The following TARDBP variants were observed in gnomAD, a reference collection of about 807,000 sequenced individuals.
TARDBP encodes the protein TAR DNA binding protein.
Under a neutral mutation model 38.3 loss-of-function variants are expected in TARDBP, and 4 were observed. The ratio of observed to expected loss-of-function variants is 0.10; its 90% CI spans 0.05 to 0.24. The LOEUF is 0.24. Among genes scored for constraint, TARDBP ranks in the 10% least tolerant of loss-of-function variants. The pLI, the probability that TARDBP is intolerant of heterozygous loss-of-function variation, is 1.00. For missense variants in TARDBP, 202 were observed against 521.9 expected, an observed-to-expected ratio of 0.39 and a Z score of 5.97; for synonymous variants, 184 against 183.8, an observed-to-expected ratio of 1.00 and a Z score of -0.01.
At chr1:11,021,308 T>A (rs1341941784) in intron 5 of TARDBP, among the ~76,000 whole-genome samples, 1 of 152,038 alleles carries the variant, frequency 6.6e-6, no homozygotes, top group African/African-American at 2.4e-5. Flanking sequence ...CTGGCTGATT[T>A]TTTTGTGCTT....
chr1:11,022,475 C>G lies in TARDBP; in HGVS notation c.1066C>G (p.Gln356Glu). ...AGGCCCATCGGGTAATAACCAAAACCAAGGCAACATGCAGAGGGAGCCAAA... is the reference window on the plus strand; with the variant it reads ...AGGCCCATCGGGTAATAACCAAAACGAAGGCAACATGCAGAGGGAGCCAAA... ...QSGPSGNNQNQGNMQREPNQA... is the reference protein window; with the variant it reads ...QSGPSGNNQNEGNMQREPNQA... The change falls in exon 6 of 6, where the codon CAA becomes GAA. Residue 356 changes from glutamine to glutamate, a missense_variant. Transcript: ENST00000240185. The surrounding 1 kb of genome is among the most constrained non-coding windows in gnomAD (Gnocchi z 4.5). 1.2e-6 allele frequency: 2 copies of G among 1,608,536 alleles called. No individual in the cohort carries two copies. The highest frequency in any genetic ancestry group is 1.1e-5 in the South Asian group (1 of 90,976).
At chr1:11,029,350 G>A (rs1216621856), downstream of TARDBP, among the ~76,000 whole-genome samples, 1 of 147,214 alleles carries the variant, frequency 6.8e-6, no homozygotes, top group Non-Finnish European at 1.5e-5. Context: ...GCAGTGAGCC[G>A]AGATTGCGCC....
At position 11,023,310 on chromosome 1, in the gene TARDBP, C is replaced by A. The variant is rs2100858657; in HGVS notation, c.*656C>A. On this transcript the variant is annotated 3_prime_UTR_variant, in exon 6 of 6. Transcript: ENST00000240185. ...CATTCAAGAATTCGTCATCACGCAT[C>A]ACAGGCCGCGTCTTTGACGGTGGGT... The A allele has an allele frequency of 3.3e-6, 5 of 1,520,762 alleles. No individual in the cohort carries two copies. The highest frequency in any genetic ancestry group is 2.0e-5 in the Admixed American group (1 of 50,672). 94.2% of individuals were successfully genotyped at this position (1,520,762 alleles called of 1,614,324 possible).
At chr1:11,017,807 G>A (rs1199562181) in intron 3 of TARDBP, among the ~76,000 whole-genome samples, 3 of 152,120 alleles carry the variant, frequency 2.0e-5, no homozygotes, top group African/African-American at 7.2e-5. Context: ...CAGCATTTTG[G>A]GAGGCTGAGG....
chr1:11,013,257 T>A (rs1425941984), intron 1 of TARDBP, among the ~76,000 whole-genome samples: 2 of 152,362 alleles, frequency 1.3e-5, no homozygotes, highest in Non-Finnish European at 2.9e-5. Context: ...CTGCCCATAT[T>A]CAGTCTTCAG....
At chr1:11,027,119 C>T (rs763183867), downstream of TARDBP, 7 of 1,611,508 alleles carry the variant, frequency 4.3e-6, no homozygotes, top group East Asian at 2.2e-5. Context: ...TTACACTTCC[C>T]CTTGGATAGG....
At position 11,014,193 on chromosome 1, in the gene TARDBP, A is replaced by G. The variant is rs3765895; in HGVS notation, c.238+228A>G. ...ATGTATTTAAAAAATATCTGAATAAACTTTGCCAAGTTGATGATAAATTTC... is the reference window on the plus strand; with the variant it reads ...ATGTATTTAAAAAATATCTGAATAAGCTTTGCCAAGTTGATGATAAATTTC... On this transcript the variant is annotated intron_variant, in intron 2 of 5. Transcript: ENST00000240185. Among the ~76,000 whole-genome samples the G allele has an allele frequency of 0.83, 126,570 of 152,198 alleles. 52,680 individuals are homozygous for G. Among genetic ancestry groups the G allele is most frequent in the East Asian group, 0.86 (4,480 of 5,184 alleles).
rs1643580028 is a variant in TARDBP at position 11,018,855 on chromosome 1, C to T, written c.525C>T (p.Cys175=). The part of the protein sequence containing the change: ...RHMIDGRWCD[C]KLPNSKQSQD... ...TGATAGATGGACGATGGTGTGACTG[C>T]AAACTTCCTAATTCTAAGGTACTTG... The change falls in exon 4 of 6, where the codon TGC becomes TGT. Residue 175 remains cysteine, a synonymous_variant. Coordinates refer to ENST00000240185, the MANE Select transcript of TARDBP (RefSeq NM_007375.4). 2 of 1,614,012 alleles carry T rather than the reference C, an allele frequency of 1.2e-6. No homozygotes were observed. The highest frequency in any genetic ancestry group is 1.3e-5 in the African/African-American group (1 of 74,920).
chr1:11,026,871 T>G (rs1334741755), downstream of TARDBP: 2 of 1,473,730 alleles, frequency 1.4e-6, no homozygotes, highest in Non-Finnish European at 9.0e-7. Context: ...AATCCTTGAC[T>G]GCAGACACGC....
rs146134526 is a variant in TARDBP at position 11,020,273 on chromosome 1, A to G, written c.544-156A>G. ...TACTCTTCACTGAAGCCTTACAAGAAAAAGAAATGCTGATGGAAAAAATTA... is the reference window on the plus strand; with the variant it reads ...TACTCTTCACTGAAGCCTTACAAGAGAAAGAAATGCTGATGGAAAAAATTA... On this transcript the variant is annotated intron_variant, in intron 4 of 5. Coordinates refer to ENST00000240185, the MANE Select transcript of TARDBP (RefSeq NM_007375.4). 7.1e-3 allele frequency among the ~76,000 whole-genome samples: 1,087 copies of G among 152,350 alleles called. 12 individuals are homozygous for G. Among genetic ancestry groups the G allele is most frequent in the African/African-American group, 0.024 (998 of 41,570 alleles).
At chr1:11,026,669 ACT>A (rs1476539179), downstream of TARDBP, 3 of 384,092 alleles carry the variant, frequency 7.8e-6, no homozygotes, top group African/African-American at 6.2e-5. Context: ...GATGACTGTC[ACT>A]CTCGTGGTTT....
exon 3 of TARDBP, chr1:11,030,501 C>T: frequency 1.7e-6 from 1 of 575,186 alleles, no homozygotes; most frequent in East Asian, 2.9e-5. Context: ...AAGGTGTTGA[C>T]TTGTTAAATT....
chr1:11,018,104 G>A (rs556236923), intron 3 of TARDBP, among the ~76,000 whole-genome samples: 1 of 151,660 alleles, frequency 6.6e-6, no homozygotes, highest in African/African-American at 2.4e-5. Flanking sequence ...GGATGGTCTC[G>A]ATCTCCTGAC....
rs1397893953 is a variant in TARDBP, at chr1:11,022,845, T to C, written c.*191T>C. On this transcript the variant is annotated 3_prime_UTR_variant, in exon 6 of 6. Coordinates refer to ENST00000240185, the MANE Select transcript of TARDBP (RefSeq NM_007375.4). This position sits in a 1 kb window ranked among gnomAD's most constrained non-coding sequence, Gnocchi z 4.5. Reference sequence around the variant, plus strand: ...AAGAGCTAAAGGAATTTTATAAGTTTTGTTACATGAAAGGTTGAAATATTG... The same window carrying C: ...AAGAGCTAAAGGAATTTTATAAGTTCTGTTACATGAAAGGTTGAAATATTG... 4.4e-6 allele frequency: 6 copies of C among 1,372,490 alleles called. No homozygotes were observed. In the African/African-American group the frequency reaches 7.4e-5, roughly 17 times the overall value. 85.0% of individuals were successfully genotyped at this position (1,372,490 alleles called of 1,614,324 possible).
intron 3 of TARDBP, 77 bp downstream of exon 3, chr1:11,017,084 AG>A: frequency 6.8e-7 from 1 of 1,474,890 alleles, no homozygotes; most frequent in Non-Finnish European, 9.4e-7. Flanking sequence ...GTATAAATAG[AG>A]ATGGGGTATC....
chr1:11,012,939 G>A (rs919893488), intron 1 of TARDBP, among the ~76,000 whole-genome samples, 196 bp downstream of exon 1: 1 of 152,210 alleles, frequency 6.6e-6, no homozygotes, highest in African/African-American at 2.4e-5. Context: ...CGCCGAAACG[G>A]GGGGCCGGGC....
At chr1:11,015,148 T>C (rs1358476476) in intron 2 of TARDBP, among the ~76,000 whole-genome samples, 1 of 151,900 alleles carries the variant, frequency 6.6e-6, no homozygotes, top group Non-Finnish European at 1.5e-5. Flanking sequence ...GTTTTTAGTA[T>C]GCTGTTTCTT....
At chr1:11,027,099 A>G (rs1221970622), downstream of TARDBP, 14 of 1,606,502 alleles carry the variant, frequency 8.7e-6, no homozygotes, top group Admixed American at 1.7e-5. Flanking sequence ...AGCACAAAGC[A>G]TGTTAGCAGT....
rs776096623 is a variant in TARDBP, at chr1:11,022,485, T to C, written c.1076T>C (p.Met359Thr). ...GGTAATAACCAAAACCAAGGCAACA[T>C]GCAGAGGGAGCCAAACCAGGCCTTC... ...PSGNNQNQGN[M>T]QREPNQAFGS... The change falls in exon 6 of 6, where the codon ATG (methionine) becomes ACG (threonine). Residue 359 changes from methionine to threonine, a missense_variant. Transcript: ENST00000240185. This position sits in a 1 kb window ranked among gnomAD's most constrained non-coding sequence, Gnocchi z 4.5. 6.2e-7 allele frequency: 1 copy of C among 1,606,266 alleles called. No individual in the cohort carries two copies.
Sources: allele counts gnomAD v4.1 joint callset (sites outside exome capture counted in the v4.1 genomes callset), GRCh38; gene constraint gnomAD v4.1.1; non-coding constraint Gnocchi (gnomAD v3.1); transcripts MANE v1.5; gene names NCBI Gene and HGNC (gene_info 2026-07-23, HGNC 2026-07-21).